EXOC4: variants seen among roughly 807,000 people sequenced by gnomAD.
EXOC4 encodes the protein SEC8-like 1.
In EXOC4, 71 loss-of-function variants were observed where a neutral mutation model predicts 107.2. The observed-to-expected ratio is 0.66, with a 90% CI of 0.55 to 0.81. The LOEUF (loss-of-function observed/expected upper bound fraction) is 0.81, where lower values mean the gene tolerates loss of function less well. EXOC4 is among the 30% of genes least tolerant of loss of function. The pLI is 0.00. For synonymous variants in EXOC4, 456 were observed against 441.2 expected, an observed-to-expected ratio of 1.03 and a Z score of -0.42; for missense variants, 1,108 against 1,189.6, an observed-to-expected ratio of 0.93 and a Z score of 1.01.
intron 11 of EXOC4, among the ~76,000 whole-genome samples, chr7:133,882,379 G>A (rs1798984204): frequency 6.6e-6 from 1 of 152,162 alleles, no homozygotes; most frequent in South Asian, 2.1e-4. Context: ...GATAGGTGAT[G>A]AATTGATCTT....
chr7:133,963,409 G>A (rs1800990927), intron 14 of EXOC4, among the ~76,000 whole-genome samples: 1 of 152,178 alleles, frequency 6.6e-6, no homozygotes, highest in Non-Finnish European at 1.5e-5. Flanking sequence ...CTATTCCACA[G>A]TGCAACACAC....
rs370847302 is a variant in EXOC4 at position 133,475,936 on chromosome 7, T to A, written c.1328+463T>A. ...ATCTGGGTTTTTTTTTATCTAATTA[T>A]AACCTTAGTTAACTCCATGAACCCA... is the stretch of plus-strand genomic sequence containing the variant. On this transcript the variant is annotated intron_variant, in intron 8 of 17. Coordinates refer to ENST00000253861, the MANE Select transcript of EXOC4 (RefSeq NM_021807.4). 1.1e-3 allele frequency among the ~76,000 whole-genome samples: 169 copies of A among 152,274 alleles called. 1 individual carries two copies. Among genetic ancestry groups the A allele is most frequent in the African/African-American group, 3.9e-3 (160 of 41,558 alleles).
the EXOC4 span, among the ~76,000 whole-genome samples, chr7:134,082,102 G>A: frequency 6.6e-6 from 1 of 152,174 alleles, no homozygotes; most frequent in Non-Finnish European, 1.5e-5. Flanking sequence ...TAAAGTGAAA[G>A]CAAGTTTATT....
intron 10 of EXOC4, among the ~76,000 whole-genome samples, chr7:133,812,118 G>C (rs1425409624): frequency 1.3e-5 from 2 of 151,668 alleles, no homozygotes; most frequent in Non-Finnish European, 2.9e-5. Context: ...GGGATGATTA[G>C]ATATGAAAAT....
chr7:133,760,748 GT>G (rs1375877130), intron 10 of EXOC4, among the ~76,000 whole-genome samples: 1 of 150,548 alleles, frequency 6.6e-6, no homozygotes, highest in African/African-American at 2.4e-5. Context: ...AAAAAAAAAA[GT>G]TTAAATGTAG....
intron 9 of EXOC4, among the ~76,000 whole-genome samples, chr7:133,592,230 T>C (rs1801566411): frequency 1.3e-5 from 2 of 152,082 alleles, no homozygotes; most frequent in Non-Finnish European, 2.9e-5. Flanking sequence ...TCCAGTGAAT[T>C]TTTTAAAAAA....
chr7:133,989,289 A>T (rs1483036566), intron 14 of EXOC4, among the ~76,000 whole-genome samples: 1 of 152,202 alleles, frequency 6.6e-6, no homozygotes, highest in Admixed American at 6.5e-5. Flanking sequence ...AGTTTTGAAC[A>T]CATTGCATTT....
chr7:133,752,121 A>G (rs1404868845), intron 10 of EXOC4, among the ~76,000 whole-genome samples: 1 of 152,196 alleles, frequency 6.6e-6, no homozygotes, highest in Admixed American at 6.5e-5. Context: ...TGATCGTGCC[A>G]CTGCACTCCA....
chr7:133,746,622 G>A (rs1377231405), intron 10 of EXOC4, among the ~76,000 whole-genome samples: 5 of 152,136 alleles, frequency 3.3e-5, no homozygotes, highest in Admixed American at 2.6e-4. Flanking sequence ...CTTGGCATTC[G>A]TTGTTGAGGT....
intron 7 of EXOC4, among the ~76,000 whole-genome samples, chr7:133,386,328 C>T (rs1269573433): frequency 6.6e-6 from 1 of 152,176 alleles, no homozygotes; most frequent in Non-Finnish European, 1.5e-5. Context: ...CCATTCCTCT[C>T]CAGAGCTGAT....
chr7:133,264,122 T>C (rs990611044), intron 1 of EXOC4, among the ~76,000 whole-genome samples: 1 of 152,192 alleles, frequency 6.6e-6, no homozygotes, highest in African/African-American at 2.4e-5. Flanking sequence ...AGATTTTAAG[T>C]TGACTTTGTC....
intron 10 of EXOC4, among the ~76,000 whole-genome samples, chr7:133,659,387 C>T (rs1421988751): frequency 6.6e-6 from 1 of 152,112 alleles, no homozygotes; most frequent in Non-Finnish European, 1.5e-5. Flanking sequence ...CTCATTGATT[C>T]ACTGAGCAAA....
At chr7:133,629,369 A>G (rs1320327786) in intron 9 of EXOC4, among the ~76,000 whole-genome samples, 1 of 152,158 alleles carries the variant, frequency 6.6e-6, no homozygotes, top group African/African-American at 2.4e-5. Context: ...TTTCTCTGAA[A>G]GCTTTATGTG....
chr7:133,384,604 G>A (rs1796685432), intron 7 of EXOC4, among the ~76,000 whole-genome samples: 1 of 151,882 alleles, frequency 6.6e-6, no homozygotes, highest in Non-Finnish European at 1.5e-5. Context: ...GTGTCATTCT[G>A]TGATTTGAGT....
At chr7:133,703,616 A>C (rs1479909507) in intron 10 of EXOC4, among the ~76,000 whole-genome samples, 1 of 152,206 alleles carries the variant, frequency 6.6e-6, no homozygotes, top group Non-Finnish European at 1.5e-5. Flanking sequence ...ATAATAGACT[A>C]GTAAGAAAAT....
intron 17 of EXOC4, among the ~76,000 whole-genome samples, chr7:134,018,264 C>T (rs1229746161): frequency 6.6e-6 from 1 of 152,158 alleles, no homozygotes; most frequent in Non-Finnish European, 1.5e-5. Flanking sequence ...GCTGACCTTT[C>T]TTGTTTTCTA....
At chr7:133,293,681 T>G (rs1794456518) in intron 3 of EXOC4, among the ~76,000 whole-genome samples, 1 of 152,236 alleles carries the variant, frequency 6.6e-6, no homozygotes, top group Non-Finnish European at 1.5e-5. Context: ...TGTTTCTTCT[T>G]TTGATATGAT....
downstream of EXOC4, among the ~76,000 whole-genome samples, chr7:134,067,636 T>TACACAC (rs1491317350): frequency 1.2e-3 from 151 of 129,162 alleles, no homozygotes; most frequent in Admixed American, 1.7e-3. Flanking sequence ...TATATATATA[T>TACACAC]ATACACACAC....
intron 11 of EXOC4, among the ~76,000 whole-genome samples, chr7:133,874,782 C>A (rs992889001): frequency 1.3e-5 from 2 of 152,196 alleles, no homozygotes; most frequent in African/African-American, 2.4e-5. Flanking sequence ...TTGATTGATA[C>A]ATTTGTATCT....
Sources: gnomAD v4.1 joint callset for allele counts (sites outside exome capture counted in the v4.1 genomes callset) on GRCh38, gnomAD v4.1.1 for gene constraint, MANE v1.5 for transcripts, NCBI Gene and HGNC (gene_info 2026-07-23, HGNC 2026-07-21) for gene names.